The following HSPA12A variants were observed in gnomAD, a reference collection of about 807,000 sequenced individuals.
HSPA12A encodes heat shock 70 kDa protein 12A.
Under a neutral mutation model 69.2 loss-of-function variants are expected in HSPA12A, and 28 were observed. The ratio of observed to expected loss-of-function variants is 0.40; its 90% CI spans 0.30 to 0.55. The LOEUF is 0.55. Ranked by LOEUF, HSPA12A falls within the 20% of genes least tolerant of loss-of-function variation. The pLI is 0.38. For missense variants in HSPA12A, 686 were observed against 900.7 expected (o/e 0.76, Z 3.05); for synonymous variants, 345 against 370.5 (o/e 0.93, Z 0.79).
chr10:116,742,400 G>A (rs1554887317), intron 1 of HSPA12A, 30 bp downstream of exon 1: 7 of 1,431,050 alleles, frequency 4.9e-6, no homozygotes, highest in Non-Finnish European at 3.7e-6. Flanking sequence ...CCCGCCAGCC[G>A]CGGCCGCAGG....
chr10:116,733,525 C>A (rs1020746583), intron 1 of HSPA12A, among the ~76,000 whole-genome samples: 1 of 152,174 alleles, frequency 6.6e-6, no homozygotes, highest in Non-Finnish European at 1.5e-5. Flanking sequence ...AGGGCACTGG[C>A]GTAATCCATT....
At chr10:116,704,119 C>G (rs1427834532) in intron 3 of HSPA12A, among the ~76,000 whole-genome samples, 1 of 152,116 alleles carries the variant, frequency 6.6e-6, no homozygotes, top group Non-Finnish European at 1.5e-5. Flanking sequence ...TGGGTATACC[C>G]AAAGGATTAT....
At chr10:116,719,289 T>C (rs1554884145) in intron 1 of HSPA12A, among the ~76,000 whole-genome samples, 1 of 152,136 alleles carries the variant, frequency 6.6e-6, no homozygotes, top group Non-Finnish European at 1.5e-5. Flanking sequence ...GAAGTCGGCC[T>C]GGGGCTTCTG....
chr10:116,755,953 C>G (rs1843837309), intron 2 of HSPA12A, among the ~76,000 whole-genome samples: 1 of 151,944 alleles, frequency 6.6e-6, no homozygotes, highest in South Asian at 2.1e-4. Flanking sequence ...GATTGTTGCA[C>G]TGCAGCCTGG....
Position 116,675,549 on chromosome 10 carries a change from T to C in HSPA12A, c.1391-131A>G. 4.5e-6 allele frequency: 4 copies of C among 886,786 alleles called. No homozygotes were observed. Among genetic ancestry groups the C allele is most frequent in the Non-Finnish European group, 6.8e-6 (4 of 588,450 alleles). The allele number at this position is 886,786 out of a possible 1,614,324, so 54.9% of individuals were successfully genotyped here. A position where few individuals can be genotyped will look rare whatever the true frequency, so the allele number is the denominator to read the frequency against. ...CTGGGAGGGCAGGCTTACTCTGAGC[T>C]CCTTGAACAGAATCTTTGCAGAACT... is the stretch of plus-strand genomic sequence containing the variant. On this transcript the variant is annotated intron_variant, in intron 11 of 11. Transcript: ENST00000369209. This position sits in a 1 kb window ranked among gnomAD's most constrained non-coding sequence, Gnocchi z 5.2.
rs144322146 is a variant in HSPA12A, at chr10:116,822,554, T to C, written c.91+12381A>G. On this transcript the variant is annotated intron_variant, in intron 2 of 12. Coordinates refer to the HSPA12A transcript ENST00000635765. ...TTTATGAATTCAGTAGGGCATTTGA[T>C]AAGTTCAATGGGGTTGACATGAATT... 4.5e-3 allele frequency among the ~76,000 whole-genome samples: 678 copies of C among 152,286 alleles called. 5 individuals are homozygous for C. The highest frequency in any genetic ancestry group is 0.016 in the African/African-American group (648 of 41,550).
At chr10:116,808,894 G>C (rs932944394) in intron 2 of HSPA12A, among the ~76,000 whole-genome samples, 9 of 152,178 alleles carry the variant, frequency 5.9e-5, no homozygotes, top group African/African-American at 2.2e-4. Flanking sequence ...GTAGGGTCAC[G>C]ACATGGCGGT....
At chr10:116,790,989 C>A (rs1400494564) in intron 2 of HSPA12A, among the ~76,000 whole-genome samples, 1 of 152,254 alleles carries the variant, frequency 6.6e-6, no homozygotes, top group Non-Finnish European at 1.5e-5. Context: ...CTGCACCTGG[C>A]CCGTCCAGTT....
upstream of HSPA12A, among the ~76,000 whole-genome samples, chr10:116,743,623 G>A (rs1378056347): frequency 1.3e-5 from 2 of 152,206 alleles, no homozygotes; most frequent in African/African-American, 2.4e-5. Context: ...CCAGAGATGG[G>A]TGGCATTTCC....
At chr10:116,696,002 C>CAATAAAAAA (rs1849887376) in intron 5 of HSPA12A, among the ~76,000 whole-genome samples, 1 of 32,714 alleles carries the variant, frequency 3.1e-5, no homozygotes, top group Non-Finnish European at 5.0e-5. Flanking sequence ...GACTCCATCT[C>CAATAAAAAA]AAAAAAAAAA....
intron 1 of HSPA12A, chr10:116,835,057 A>T: frequency 8.3e-7 from 1 of 1,202,538 alleles, no homozygotes; most frequent in Middle Eastern, 3.2e-4. Flanking sequence ...CACTGTGAAA[A>T]TGTCGATTTG....
intron 1 of HSPA12A, among the ~76,000 whole-genome samples, chr10:116,732,133 C>G (rs1589669203): frequency 6.6e-6 from 1 of 151,940 alleles, no homozygotes; most frequent in African/African-American, 2.4e-5. Flanking sequence ...GAGTTCGAGA[C>G]CAGCCTGGCC....
At chr10:116,816,520 G>A (rs1845307131) in intron 2 of HSPA12A, among the ~76,000 whole-genome samples, 1 of 152,216 alleles carries the variant, frequency 6.6e-6, no homozygotes, top group South Asian at 2.1e-4. Flanking sequence ...CACTGAAGGA[G>A]CGAGCAGAGA....
At chr10:116,678,836 ATGTT>A (rs1849318591) in intron 10 of HSPA12A, among the ~76,000 whole-genome samples, 2 of 152,182 alleles carry the variant, frequency 1.3e-5, no homozygotes, top group African/African-American at 4.8e-5. Flanking sequence ...TACAGGATAA[ATGTT>A]TGACATGTTC....
chr10:116,808,018 A>G (rs1203953162), intron 2 of HSPA12A, among the ~76,000 whole-genome samples: 1 of 152,126 alleles, frequency 6.6e-6, no homozygotes, highest in Non-Finnish European at 1.5e-5. Flanking sequence ...ATCTCCTCCT[A>G]CAATGTCTCC....
At chr10:116,687,566 A>G (rs1276651707) in intron 6 of HSPA12A, among the ~76,000 whole-genome samples, 1 of 152,166 alleles carries the variant, frequency 6.6e-6, no homozygotes, top group African/African-American at 2.4e-5. Flanking sequence ...ATGCTAAAGT[A>G]TCGCCCAGGC....
At chr10:116,845,186 T>G (rs1259207089) in intron 1 of HSPA12A, among the ~76,000 whole-genome samples, 1 of 152,206 alleles carries the variant, frequency 6.6e-6, no homozygotes, top group Non-Finnish European at 1.5e-5. Context: ...CCTTTTCATA[T>G]GCATGAAATT....
rs140160132 is a variant in HSPA12A at position 116,726,027 on chromosome 10, G to GCGCGCACACACACACACACA, written c.40+16402_40+16403insTGTGTGTGTGTGTGTGCGCG. 9.6e-5 allele frequency among the ~76,000 whole-genome samples: 14 copies of GCGCGCACACACACACACACA among 146,222 alleles called. No individual in the cohort carries two copies. In the South Asian group the frequency reaches 2.8e-3, roughly 30 times the overall value. ...ACAAGGTTTAGACACACACACACAC[G>GCGCGCACACACACACACACA]CACACACACACACACACACACACAC... On this transcript the variant is annotated intron_variant, in intron 1 of 11. Coordinates refer to ENST00000369209, the MANE Select transcript of HSPA12A (RefSeq NM_025015.3).
In HSPA12A at chr10:116,823,320, C is replaced by T. The variant is rs142448696; in HGVS notation, c.91+11615G>A. The stretch of plus-strand genomic sequence containing the variant: ...AGACATTAAAGAAGACATAGGTAAT[C>T]CAGGTTCATGGATGAGAAGATTTTT... On this transcript the variant is annotated intron_variant, in intron 2 of 12. Transcript: ENST00000635765. 2.6e-5 allele frequency among the ~76,000 whole-genome samples: 4 copies of T among 152,278 alleles called. No individual in the cohort carries two copies. In the East Asian group the frequency reaches 7.7e-4, roughly 29 times the overall value.
Sources: gnomAD v4.1 joint callset for allele counts (sites outside exome capture counted in the v4.1 genomes callset) on GRCh38, gnomAD v4.1.1 for gene constraint, Gnocchi (gnomAD v3.1) non-coding constraint, MANE v1.5 for transcripts, NCBI Gene and HGNC (gene_info 2026-07-23, HGNC 2026-07-21) for gene names.